The following SECISBP2 variants were observed in gnomAD, a reference collection of about 807,000 sequenced individuals.
SECISBP2 encodes selenocysteine insertion sequence-binding protein 2.
Under a neutral mutation model 98.2 loss-of-function variants are expected in SECISBP2, and 96 were observed. That is an observed-to-expected ratio of 0.98 (90% CI 0.83 to 1.16). SECISBP2 has a LOEUF of 1.16. SECISBP2 is among the 50% of genes most tolerant of loss of function. The pLI is 0.00. For missense variants in SECISBP2, 1,046 were observed against 1,022.9 expected, an observed-to-expected ratio of 1.02 and a Z score of -0.31; for synonymous variants, 407 against 370.2, an observed-to-expected ratio of 1.10 and a Z score of -1.14.
chr9:89,358,092 C>A lies in SECISBP2; in HGVS notation c.2362C>A (p.Pro788Thr), dbSNP rs765263382. Residue 788 changes from proline (P) to threonine (T), a missense_variant, in exon 16 of 17, where the codon CCC becomes ACC. Transcript: ENST00000375807. Reference sequence around the variant, plus strand: ...TGTGCAGCAGGAGCTGGTGGGAGAGCCCAGGCCTCAGGCACCTCCCAGCCT... The same window carrying A: ...TGTGCAGCAGGAGCTGGTGGGAGAGACCAGGCCTCAGGCACCTCCCAGCCT... ...ENVQQELVGEPRPQAPPSLPT... is the reference protein window; with the variant it reads ...ENVQQELVGETRPQAPPSLPT... 2 of 1,613,690 alleles carry A rather than the reference C, an allele frequency of 1.2e-6. No homozygotes were observed. Among genetic ancestry groups the A allele is most frequent in the Non-Finnish European group, 8.5e-7 (1 of 1,179,990 alleles).
intron 16 of SECISBP2, 51 bp downstream of exon 16, chr9:89,358,242 G>C (rs1303102358): frequency 2.6e-6 from 4 of 1,557,870 alleles, no homozygotes; most frequent in Non-Finnish European, 3.5e-6. Context: ...CTTATTTACT[G>C]ACTTTAATTA....
At chr9:89,350,578 T>A in intron 13 of SECISBP2, 54 bp from the exon 14 acceptor site, 1 of 1,496,126 alleles carries the variant, frequency 6.7e-7, no homozygotes, top group Non-Finnish European at 9.3e-7. Context: ...ATGGGAGCAG[T>A]GCTGCAGTGT....
downstream of SECISBP2, chr9:89,362,477 T>C (rs761316525): frequency 6.2e-7 from 1 of 1,613,976 alleles, no homozygotes; most frequent in South Asian, 1.1e-5. Context: ...GGATGGGCCT[T>C]TCCTGCTCTG....
chr9:89,347,967 G>A lies in SECISBP2; in HGVS notation c.1603-112G>A, dbSNP rs991726786. On this transcript the variant is annotated intron_variant, in intron 11 of 16. Coordinates refer to ENST00000375807, the MANE Select transcript of SECISBP2 (RefSeq NM_024077.5). ...TGGGGAGCACTTGGCTGCTCTCAGG[G>A]CACTAAGAGGCACATTGCCAAAAAG... The A allele has an allele frequency of 7.9e-6, 8 of 1,012,482 alleles. No individual in the cohort carries two copies. The South Asian group carries it at 9.7e-5, about 12-fold the overall frequency. The allele number at this position is 1,012,482 out of a possible 1,614,324, so 62.7% of individuals were successfully genotyped here.
chr9:89,360,214 A>G (rs1203977513), downstream of SECISBP2, among the ~76,000 whole-genome samples: 1 of 152,216 alleles, frequency 6.6e-6, no homozygotes, highest in Non-Finnish European at 1.5e-5. Flanking sequence ...AGTCCCAAGC[A>G]GCAAGTCATC....
downstream of SECISBP2, chr9:89,364,025 G>C: frequency 3.1e-6 from 5 of 1,612,478 alleles, no homozygotes; most frequent in Non-Finnish European, 4.2e-6. Context: ...GGGTGCAGGG[G>C]GGTTACCTCT....
chr9:89,348,294 T>C (rs1459898575), intron 12 of SECISBP2, 80 bp downstream of exon 12: 5 of 1,533,496 alleles, frequency 3.3e-6, no homozygotes, highest in Non-Finnish European at 4.5e-6. Flanking sequence ...GAGCAAACTC[T>C]CCAGGACTTG....
At chr9:89,354,790 A>G in intron 14 of SECISBP2, 3 of 985,018 alleles carry the variant, frequency 3.0e-6, no homozygotes, top group Non-Finnish European at 3.6e-6. Context: ...TTTCAGATTC[A>G]CTCCCGGGAG....
intron 9 of SECISBP2, among the ~76,000 whole-genome samples, chr9:89,340,875 AT>A (rs1182077449): frequency 3.2e-4 from 48 of 152,254 alleles, no homozygotes; most frequent in African/African-American, 1.1e-3. Flanking sequence ...TTGAGCCTGC[AT>A]TTAATATTAT....
chr9:89,354,318 A>T (rs1564444627), intron 14 of SECISBP2, among the ~76,000 whole-genome samples: 1 of 152,258 alleles, frequency 6.6e-6, no homozygotes, highest in Non-Finnish European at 1.5e-5. Flanking sequence ...GACTTACTAC[A>T]GTGAAAAGGC....
At chr9:89,322,912 T>C (rs1009571821) in intron 2 of SECISBP2, 2 of 152,252 alleles carry the variant, frequency 1.3e-5, no homozygotes, top group Non-Finnish European at 2.9e-5. Flanking sequence ...AGGGAACTTT[T>C]GGTAGTGTCT....
chr9:89,331,749 A>G (rs991123441), intron 5 of SECISBP2, among the ~76,000 whole-genome samples: 2 of 152,200 alleles, frequency 1.3e-5, no homozygotes, highest in African/African-American at 4.8e-5. Context: ...TTGCATTTAC[A>G]TGGGATCATT....
chr9:89,333,059 A>C, intron 6 of SECISBP2, 73 bp downstream of exon 6: 1 of 1,267,602 alleles, frequency 7.9e-7, no homozygotes, highest in South Asian at 1.2e-5. Flanking sequence ...ACTCCAGTGC[A>C]GTTGAAATGA....
chr9:89,351,999 T>C (rs1478229930), intron 14 of SECISBP2, among the ~76,000 whole-genome samples: 1 of 152,232 alleles, frequency 6.6e-6, no homozygotes, highest in African/African-American at 2.4e-5. Context: ...TTAGCCACAC[T>C]GTGGGATATT....
Position 89,357,563 on chromosome 9 carries a change from C to T in SECISBP2, c.2266C>T (p.Gln756Ter). 1 of 1,613,394 alleles carries T rather than the reference C, an allele frequency of 6.2e-7. No homozygotes were observed. The highest frequency in any genetic ancestry group is 1.1e-5 in the South Asian group (1 of 91,038). Reference sequence around the variant, plus strand: ...GGGGATCTTCAGCTATGATGGGGCCCAGGTGAGTGCACAGGGCACAGGCCT... The same window carrying T: ...GGGGATCTTCAGCTATGATGGGGCCTAGGTGAGTGCACAGGGCACAGGCCT... ...VVGIFSYDGA[Q>*]DQFHKMVELT... is the part of the protein sequence containing the mutation. The change falls in exon 15 of 17, where the codon CAG becomes TAG. Residue 756 changes from glutamine (Q) to a stop codon, truncating the protein, a stop_gained and splice_region_variant. Transcript: ENST00000375807. LOFTEE classifies it high-confidence loss of function.
intron 7 of SECISBP2, among the ~76,000 whole-genome samples, chr9:89,337,874 G>A (rs1362504465): frequency 1.3e-5 from 2 of 152,244 alleles, no homozygotes; most frequent in Non-Finnish European, 2.9e-5. Flanking sequence ...GCAACGGGTA[G>A]ATGGAGATGA....
chr9:89,327,754 C>T (rs1047746598), intron 4 of SECISBP2, among the ~76,000 whole-genome samples: 10 of 151,912 alleles, frequency 6.6e-5, no homozygotes, highest in Non-Finnish European at 1.2e-4. Context: ...TCTGGAATCC[C>T]TCCTGAGGGA....
At position 89,340,416 on chromosome 9, in the gene SECISBP2, C is replaced by T. The variant is rs144287448; in HGVS notation, c.1302+463C>T. Reference sequence around the variant, plus strand: ...CCCTTCTCTACTCCACCACCTACCCCGTAGATTCAGGAGGGAGCTTGTGAG... The same window carrying T: ...CCCTTCTCTACTCCACCACCTACCCTGTAGATTCAGGAGGGAGCTTGTGAG... On this transcript the variant is annotated intron_variant, in intron 9 of 16. Transcript: ENST00000375807. Among the ~76,000 whole-genome samples the T allele has an allele frequency of 2.0e-5, 3 of 152,280 alleles. No individual in the cohort carries two copies. The South Asian group carries it at 6.2e-4, about 32-fold the overall frequency.
intron 1 of SECISBP2, 64 bp downstream of exon 1, chr9:89,318,676 C>T (rs1156785129): frequency 1.5e-6 from 2 of 1,347,124 alleles, no homozygotes; most frequent in Non-Finnish European, 1.9e-6. Context: ...ACTGGGGGCT[C>T]GGCCGGGCGG....
Sources: gnomAD v4.1 joint callset for allele counts (sites outside exome capture counted in the v4.1 genomes callset) on GRCh38, gnomAD v4.1.1 for gene constraint, MANE v1.5 for transcripts, NCBI Gene and HGNC (gene_info 2026-07-23, HGNC 2026-07-21) for gene names.